TRIM68: variants seen among roughly 807,000 people sequenced by gnomAD.
The protein encoded by TRIM68 is tripartite motif containing 68.
In TRIM68, 36 loss-of-function variants were observed where a neutral mutation model predicts 41.9. That is an observed-to-expected ratio of 0.86 (90% CI 0.66 to 1.14). The LOEUF is 1.14. Ranked by LOEUF, TRIM68 falls within the 50% of genes most tolerant of loss-of-function variation. The pLI is 0.00. For missense variants in TRIM68, 632 were observed against 605.1 expected (o/e 1.04, Z -0.47); for synonymous variants, 225 against 224.6 (o/e 1.00, Z -0.02).
chr11:4,602,405 A>T lies in TRIM68; in HGVS notation c.530T>A (p.Val177Glu). 6.2e-7 allele frequency: 1 copy of T among 1,612,990 alleles called. No individual in the cohort carries two copies. The highest frequency in any genetic ancestry group is 1.1e-5 in the South Asian group (1 of 91,012). ...TACAATACTCTGTTTTCGGGTTTCCACCTGTATCTGTGGAGCCAAGATGGA... is the reference window on the plus strand; with the variant it reads ...TACAATACTCTGTTTTCGGGTTTCCTCCTGTATCTGTGGAGCCAAGATGGA... ...RKRTATWKIQ[V>E]ETRKQSIVWE... Residue 177 changes from valine (V) to glutamate (E), a missense_variant, in exon 4 of 7, where the codon GTG becomes GAG. By Grantham distance (121) the Val-to-Glu change is moderately radical. Coordinates refer to ENST00000300747, the MANE Select transcript of TRIM68 (RefSeq NM_018073.8).
rs770645136 is a variant in TRIM68, at chr11:4,600,857, G to A, written c.908-31C>T. 5 of 1,599,732 alleles carry A rather than the reference G, an allele frequency of 3.1e-6. No homozygotes were observed. In the South Asian group the frequency reaches 4.5e-5, roughly 14 times the overall value. On this transcript the variant is annotated intron_variant, in intron 6 of 6. Transcript: ENST00000300747. ...AGAAAAGGTCCTGGTTGGTAACAGT[G>A]ATATAGGGCCAGGGGACATGGGTGA...
rs747273602 is a variant in TRIM68, at chr11:4,600,706, C to T, written c.1028G>A (p.Arg343His). 3.4e-5 allele frequency: 55 copies of T among 1,614,026 alleles called. No homozygotes were observed. Among genetic ancestry groups the T allele is most frequent in the Middle Eastern group, 1.6e-4 (1 of 6,084 alleles). Reference sequence around the variant, plus strand: ...CTGGCTTCCCAGGACGATATTATAGCGGTAAAATCTCTCAGGATTGTCTGG... The same window carrying T: ...CTGGCTTCCCAGGACGATATTATAGTGGTAAAATCTCTCAGGATTGTCTGG... ...KLPDNPERFY[R>H]YNIVLGSQCI... Residue 343 changes from arginine to histidine, a missense_variant, in exon 7 of 7, where the codon CGC becomes CAC. Physicochemically the swap from Arg to His is conservative, Grantham distance 29. Coordinates refer to ENST00000300747, the MANE Select transcript of TRIM68 (RefSeq NM_018073.8).
rs547257371 is a variant in TRIM68 at position 4,605,469 on chromosome 11, T to C, written c.36A>G (p.Glu12=). 2 of 1,612,004 alleles carry C rather than the reference T, an allele frequency of 1.2e-6. No homozygotes were observed. Among genetic ancestry groups the C allele is most frequent in the South Asian group, 2.2e-5 (2 of 91,018 alleles). Residue 12 remains glutamate, a synonymous_variant, in exon 2 of 7, where the codon GAA becomes GAG. Coordinates refer to ENST00000300747, the MANE Select transcript of TRIM68 (RefSeq NM_018073.8). ...DPTALVEAIV[E]EVACPICMTF... is the part of the protein sequence containing the mutation. ...TCATACAGATGGGACAGGCCACTTC[T>C]TCCACAATGGCTTCCACCAAGGCTG...
rs1478753249 is a variant in TRIM68 at position 4,608,169 on chromosome 11, A to G, written c.-200T>C. Reference sequence around the variant, plus strand: ...GGGCCAGAGAGCGGCAGAGGCCCAGAACCCAAAGCCCGGCAGCGCAGGCCC... The same window carrying G: ...GGGCCAGAGAGCGGCAGAGGCCCAGGACCCAAAGCCCGGCAGCGCAGGCCC... On this transcript the variant is annotated 5_prime_UTR_variant, in exon 1 of 7. Transcript: ENST00000300747. 2 of 152,684 alleles carry G rather than the reference A, an allele frequency of 1.3e-5. No individual in the cohort carries two copies. Among genetic ancestry groups the G allele is most frequent in the Non-Finnish European group, 2.9e-5 (2 of 68,300 alleles). 9.5% of individuals were successfully genotyped at this position (152,684 alleles called of 1,614,324 possible).
At chr11:4,607,189 C>T (rs1022806119) in intron 1 of TRIM68, among the ~76,000 whole-genome samples, 4 of 152,180 alleles carry the variant, frequency 2.6e-5, no homozygotes, top group African/African-American at 9.7e-5. Flanking sequence ...TCTACATGAT[C>T]CTGCCTTTGA....
intron 3 of TRIM68, among the ~76,000 whole-genome samples, chr11:4,602,846 T>C (rs564550214): frequency 6.6e-6 from 1 of 152,384 alleles, no homozygotes; most frequent in Non-Finnish European, 1.5e-5. Context: ...TGATACTTAC[T>C]GGCCTCAAAT....
Position 4,603,465 on chromosome 11 carries a change from T to C in TRIM68, c.427-125A>G, listed in dbSNP as rs938177691. ...CAGTGAAGGCTGTGGGGAAAGGGAA[T>C]GCCACAGAGGAAGCAGACTCTGCCC... On this transcript the variant is annotated intron_variant, in intron 2 of 6. Transcript: ENST00000300747. 5 of 789,938 alleles carry C rather than the reference T, an allele frequency of 6.3e-6. No individual in the cohort carries two copies. The African/African-American group carries it at 8.6e-5, about 14-fold the overall frequency. The allele number at this position is 789,938 out of a possible 1,614,324, so 48.9% of individuals were successfully genotyped here.
At chr11:4,602,059 C>A in intron 4 of TRIM68, 93 bp downstream of exon 4, 1 of 1,555,082 alleles carries the variant, frequency 6.4e-7, no homozygotes, top group Non-Finnish European at 8.8e-7. Context: ...AGAGGGCTGG[C>A]AGTCCCTACT....
intron 2 of TRIM68, 40 bp from the exon 3 acceptor site, chr11:4,603,380 C>G (rs778581807): frequency 6.3e-7 from 1 of 1,593,696 alleles, no homozygotes; most frequent in Non-Finnish European, 8.6e-7. Flanking sequence ...CCTCCGGCAG[C>G]CTAGGCTTCC....
rs942628720 is a variant in TRIM68, at chr11:4,605,579, A to C, written c.-57-18T>G. The C allele has an allele frequency of 1.1e-5, 15 of 1,379,388 alleles. No individual in the cohort carries two copies. Among genetic ancestry groups the C allele is most frequent in the Non-Finnish European group, 1.5e-5 (15 of 1,019,592 alleles). 85.4% of individuals were successfully genotyped at this position (1,379,388 alleles called of 1,614,324 possible). A position where few individuals can be genotyped will look rare whatever the true frequency, so the allele number is the denominator to read the frequency against. On this transcript the variant is annotated intron_variant, in intron 1 of 6. Coordinates refer to ENST00000300747, the MANE Select transcript of TRIM68 (RefSeq NM_018073.8). ...AGTAAAGGCTGAGAAGAAGAAAAGAAAGACAAATAAGAGAAAAAGGTAACA... is the reference window on the plus strand; with the variant it reads ...AGTAAAGGCTGAGAAGAAGAAAAGACAGACAAATAAGAGAAAAAGGTAACA...
rs750364880 is a variant in TRIM68, at chr11:4,600,352, T to C, written c.1382A>G (p.Tyr461Cys). Reference protein sequence around the residue: ...RYPFPGRLLPYFSPCYSIGTN... With the variant: ...RYPFPGRLLPCFSPCYSIGTN... Reference sequence around the variant, plus strand: ...TCCAATGCTGTAGCAAGGACTAAAATAGGGCAGGAGGCGCCCAGGGAAGGG... The same window carrying C: ...TCCAATGCTGTAGCAAGGACTAAAACAGGGCAGGAGGCGCCCAGGGAAGGG... Residue 461 changes from tyrosine to cysteine, a missense_variant, in exon 7 of 7, where the codon TAT (tyrosine) becomes TGT (cysteine). Tyr to Cys is a radical substitution (Grantham distance 194). Coordinates refer to ENST00000300747, the MANE Select transcript of TRIM68 (RefSeq NM_018073.8). 10 of 1,613,380 alleles carry C rather than the reference T, an allele frequency of 6.2e-6. No homozygotes were observed. The highest frequency in any genetic ancestry group is 1.3e-5 in the African/African-American group (1 of 75,002).
At position 4,598,961 on chromosome 11, in the gene TRIM68, G is replaced by A. The variant is rs1267718206; in HGVS notation, c.*1315C>T. On this transcript the variant is annotated 3_prime_UTR_variant, in exon 7 of 7. Coordinates refer to ENST00000300747, the MANE Select transcript of TRIM68 (RefSeq NM_018073.8). ...AGGAACAAATCATGGGATGGATCTG[G>A]GATCTATACAACAGCTCCATGAGGC... The A allele has an allele frequency of 6.6e-6, 1 of 152,090 alleles. No homozygotes were observed. Among genetic ancestry groups the A allele is most frequent in the African/African-American group, 2.4e-5 (1 of 41,410 alleles). 9.4% of individuals were successfully genotyped at this position (152,090 alleles called of 1,614,324 possible).
chr11:4,603,174 G>A (rs1589849289), intron 3 of TRIM68, 71 bp downstream of exon 3: 8 of 1,382,756 alleles, frequency 5.8e-6, no homozygotes, highest in Non-Finnish European at 1.0e-6. Context: ...TGATGAGAAT[G>A]CTACCCTAGG....
chr11:4,603,415 C>T, intron 2 of TRIM68, 75 bp from the exon 3 acceptor site: 1 of 1,424,508 alleles, frequency 7.0e-7, no homozygotes, highest in Non-Finnish European at 9.8e-7. Flanking sequence ...TATGGGAGAA[C>T]CAGAGTCCTT....
At chr11:4,601,770 T>C in intron 4 of TRIM68, 84 bp from the exon 5 acceptor site, 1 of 1,501,224 alleles carries the variant, frequency 6.7e-7, no homozygotes, top group Non-Finnish European at 9.3e-7. Context: ...GGAGTTTCTC[T>C]AGGGGAAGGG....
Position 4,600,062 on chromosome 11 carries a change from A to C in TRIM68, c.*214T>G. ...AGCCCTGTCGTGCTTCCCTCATGGG[A>C]TGCAATGCTCATTTGACTGGGCCTC... is the stretch of plus-strand genomic sequence containing the variant. On this transcript the variant is annotated 3_prime_UTR_variant, in exon 7 of 7. Transcript: ENST00000300747. 1 of 511,898 alleles carries C rather than the reference A, an allele frequency of 2.0e-6. No individual in the cohort carries two copies. Among genetic ancestry groups the C allele is most frequent in the Middle Eastern group, 5.0e-4 (1 of 1,988 alleles). 31.7% of individuals were successfully genotyped at this position (511,898 alleles called of 1,614,324 possible).
chr11:4,601,046 C>G lies in TRIM68; in HGVS notation c.888G>C (p.Glu296Asp), dbSNP rs934818532. 8 of 1,614,078 alleles carry G rather than the reference C, an allele frequency of 5.0e-6. No homozygotes were observed. In the African/African-American group the frequency reaches 5.3e-5, roughly 11 times the overall value. Residue 296 changes from glutamate (E) to aspartate (D), a missense_variant, in exon 6 of 7, where the codon GAG (glutamate) becomes GAC (aspartate). Coordinates refer to ENST00000300747, the MANE Select transcript of TRIM68 (RefSeq NM_018073.8). ...KTDCRVLGLR[E>D]ILKTYAADVR... ...CATTACCTGCATAAGTCTTCAGGAT[C>G]TCTCTTAGCCCCAGCACACGGCAAT... is the stretch of plus-strand genomic sequence containing the variant.
chr11:4,605,242 T>A lies in TRIM68; in HGVS notation c.263A>T (p.His88Leu). The part of the protein sequence containing the change: ...VVEKVRLLRL[H>L]PGMGLKGDLC... Reference sequence around the variant, plus strand: ...GTCACCCTTCAGCCCCATTCCTGGATGTAGCCTTAGCAGACGGACTTTTTC... The same window carrying A: ...GTCACCCTTCAGCCCCATTCCTGGAAGTAGCCTTAGCAGACGGACTTTTTC... The change falls in exon 2 of 7, where the codon CAT becomes CTT. Residue 88 changes from histidine (H) to leucine (L), a missense_variant. His to Leu is a moderately conservative substitution (Grantham distance 99). Transcript: ENST00000300747. The A allele has an allele frequency of 1.2e-6, 2 of 1,614,264 alleles. No individual in the cohort carries two copies. The highest frequency in any genetic ancestry group is 1.7e-6 in the Non-Finnish European group (2 of 1,180,050).
intron 6 of TRIM68, 25 bp from the exon 7 acceptor site, chr11:4,600,851 A>G: frequency 6.2e-7 from 1 of 1,603,064 alleles, no homozygotes; most frequent in Non-Finnish European, 8.5e-7. Flanking sequence ...CCTGGTTGGT[A>G]ACAGTGATAT....
Sources: allele counts gnomAD v4.1 joint callset (sites outside exome capture counted in the v4.1 genomes callset), GRCh38; gene constraint gnomAD v4.1.1; transcripts MANE v1.5; gene names NCBI Gene and HGNC (gene_info 2026-07-23, HGNC 2026-07-21).